Variants in NEK1 observed in about 807,000 individuals in gnomAD.
NEK1 encodes serine/threonine-protein kinase Nek1.
NEK1 carries 137 observed loss-of-function variants against 182.1 expected under a neutral mutation model. The ratio of observed to expected loss-of-function variants is 0.75; its 90% CI spans 0.65 to 0.87. NEK1 has a LOEUF of 0.87. NEK1 is among the 40% of genes least tolerant of loss of function. NEK1 has a pLI of 0.00. For missense variants in NEK1, 1,391 were observed against 1,494.4 expected, an observed-to-expected ratio of 0.93 and a Z score of 1.14; for synonymous variants, 513 against 492.2, an observed-to-expected ratio of 1.04 and a Z score of -0.56.
At chr4:169,555,674 A>G in intron 18 of NEK1, 46 bp downstream of exon 18, 1 of 1,612,676 alleles carries the variant, frequency 6.2e-7, no homozygotes, top group Non-Finnish European at 8.5e-7. Context: ...ATGACAAACG[A>G]CAAAATTACA....
chr4:169,402,004 ATCTGG>A, intron 32 of NEK1, 144 bp from the exon 33 acceptor site: 1 of 603,954 alleles, frequency 1.7e-6, no homozygotes, highest in South Asian at 3.0e-5. Flanking sequence ...ATAACAAAAA[ATCTGG>A]AAAAAGCCTA....
intron 10 of NEK1, among the ~76,000 whole-genome samples, chr4:169,584,689 G>C (rs967987110): frequency 6.6e-6 from 1 of 152,136 alleles, no homozygotes; most frequent in Admixed American, 6.5e-5. Flanking sequence ...AATATTTTGA[G>C]CACTTACATG....
chr4:169,544,016 A>G (rs1186082505), intron 18 of NEK1, among the ~76,000 whole-genome samples: 1 of 152,032 alleles, frequency 6.6e-6, no homozygotes, highest in East Asian at 1.9e-4. Context: ...ACTTCCAATG[A>G]TATGTTGAAT....
rs1249604313 is a variant in NEK1, at chr4:169,400,649, T to C, written c.3586A>G (p.Asn1196Asp). 34 of 1,574,102 alleles carry C rather than the reference T, an allele frequency of 2.2e-5. No homozygotes were observed. Among genetic ancestry groups the C allele is most frequent in the Non-Finnish European group, 2.9e-5 (34 of 1,159,424 alleles). Residue 1196 changes from asparagine to aspartate, a missense_variant and splice_region_variant, in exon 34 of 36, where the codon AAC (asparagine) becomes GAC (aspartate). Asn to Asp is a conservative substitution (Grantham distance 23). Coordinates refer to ENST00000507142, the MANE Select transcript of NEK1 (RefSeq NM_001199397.3). ...TCACTAGCAATTTCACCATCACTGTTATCTAAAAAACAAAATTAAAATAGA... is the reference window on the plus strand; with the variant it reads ...TCACTAGCAATTTCACCATCACTGTCATCTAAAAAACAAAATTAAAATAGA... ...SALNEEWHSD[N>D]SDGEIASECE...
intron 18 of NEK1, among the ~76,000 whole-genome samples, chr4:169,551,337 A>T (rs1009071902): frequency 6.6e-6 from 1 of 152,192 alleles, no homozygotes; most frequent in Admixed American, 6.5e-5. Flanking sequence ...CTTCATCAGG[A>T]ACATAGATGA....
chr4:169,588,507 A>G, intron 8 of NEK1, 142 bp downstream of exon 8: 1 of 472,464 alleles, frequency 2.1e-6, no homozygotes, highest in South Asian at 4.8e-5. Context: ...TCCCCTCACC[A>G]TATATTAGCA....
chr4:169,570,499 G>A (rs1448026627), intron 12 of NEK1, among the ~76,000 whole-genome samples: 2 of 150,830 alleles, frequency 1.3e-5, no homozygotes, highest in African/African-American at 2.5e-5. Flanking sequence ...CGTCCGGAAG[G>A]GAGGTGGGGG....
intron 30 of NEK1, 25 bp from the exon 31 acceptor site, chr4:169,424,825 T>G: frequency 6.3e-7 from 1 of 1,592,160 alleles, no homozygotes; most frequent in South Asian, 1.1e-5. Context: ...AGAGATTATG[T>G]GGTAAGTCTA....
intron 27 of NEK1, among the ~76,000 whole-genome samples, chr4:169,447,310 A>G (rs2149453122): frequency 6.6e-6 from 1 of 152,260 alleles, no homozygotes; most frequent in Non-Finnish European, 1.5e-5. Context: ...GTATATCCAG[A>G]GAAAATATCC....
At chr4:169,476,568 C>G (rs1265148360) in intron 26 of NEK1, among the ~76,000 whole-genome samples, 1 of 152,078 alleles carries the variant, frequency 6.6e-6, no homozygotes, top group Non-Finnish European at 1.5e-5. Flanking sequence ...AAAAAAATTA[C>G]TTAAAATCAG....
intron 19 of NEK1, among the ~76,000 whole-genome samples, chr4:169,515,497 CTTCT>C (rs1365286052): frequency 7.0e-4 from 92 of 131,380 alleles, no homozygotes; most frequent in Admixed American, 8.0e-4. Flanking sequence ...ATTGCAATAA[CTTCT>C]TTTTTTTTTT....
intron 31 of NEK1, among the ~76,000 whole-genome samples, chr4:169,417,351 G>C (rs1480239063): frequency 6.6e-6 from 1 of 152,204 alleles, no homozygotes; most frequent in Non-Finnish European, 1.5e-5. Context: ...TTAAGCAGCA[G>C]AAAGCCACTG....
At chr4:169,603,010 T>C (rs1448350848) in intron 2 of NEK1, among the ~76,000 whole-genome samples, 1 of 152,202 alleles carries the variant, frequency 6.6e-6, no homozygotes, top group African/African-American at 2.4e-5. Flanking sequence ...GAAAACCTAA[T>C]AATACACTAT....
At chr4:169,569,392 AGCT>A (rs1466386586) in intron 12 of NEK1, among the ~76,000 whole-genome samples, 2 of 152,086 alleles carry the variant, frequency 1.3e-5, no homozygotes, top group Non-Finnish European at 2.9e-5. Context: ...TATCGTCAGC[AGCT>A]GCTTTTAAAC....
At chr4:169,582,107 C>A (rs1275146524) in intron 10 of NEK1, among the ~76,000 whole-genome samples, 1 of 151,932 alleles carries the variant, frequency 6.6e-6, no homozygotes, top group Non-Finnish European at 1.5e-5. Context: ...AGAATTAACT[C>A]GATTTATGCT....
At chr4:169,540,599 T>C (rs745699444) in intron 18 of NEK1, among the ~76,000 whole-genome samples, 4 of 152,146 alleles carry the variant, frequency 2.6e-5, no homozygotes, top group Non-Finnish European at 5.9e-5. Flanking sequence ...AGAATTCACG[T>C]GAGCATGCTC....
intron 31 of NEK1, among the ~76,000 whole-genome samples, chr4:169,419,406 G>T (rs1315036569): frequency 6.6e-6 from 1 of 151,752 alleles, no homozygotes; most frequent in East Asian, 1.9e-4. Flanking sequence ...GGAAGAAAAA[G>T]AATACCAGAT....
Position 169,555,748 on chromosome 4 carries a change from C to A in NEK1, c.1534G>T (p.Ala512Ser), listed in dbSNP as rs775133095. ...TTTGCATTGGCTTGTTTAGACACCGCCTTCAATCTTTTCAAAGTTTTTCTA... is the reference window on the plus strand; with the variant it reads ...TTTGCATTGGCTTGTTTAGACACCGACTTCAATCTTTTCAAAGTTTTTCTA... ...DIRKTLKRLKAVSKQANANRQ... is the reference protein window; with the variant it reads ...DIRKTLKRLKSVSKQANANRQ... The change falls in exon 18 of 36, where the codon GCG (alanine) becomes TCG (serine). Residue 512 changes from alanine (A) to serine (S), a missense_variant. Ala to Ser is a moderately conservative substitution (Grantham distance 99). Coordinates refer to ENST00000507142, the MANE Select transcript of NEK1 (RefSeq NM_001199397.3). 1 of 1,613,664 alleles carries A rather than the reference C, an allele frequency of 6.2e-7. No individual in the cohort carries two copies. Among genetic ancestry groups the A allele is most frequent in the Non-Finnish European group, 8.5e-7 (1 of 1,179,798 alleles).
At chr4:169,501,814 A>T (rs1752469144) in intron 23 of NEK1, among the ~76,000 whole-genome samples, 1 of 152,128 alleles carries the variant, frequency 6.6e-6, no homozygotes, top group East Asian at 1.9e-4. Flanking sequence ...ATCTCAAATT[A>T]ACAACCTAAT....
Sources: allele counts gnomAD v4.1 joint callset (sites outside exome capture counted in the v4.1 genomes callset), GRCh38; gene constraint gnomAD v4.1.1; transcripts MANE v1.5; gene names NCBI Gene and HGNC (gene_info 2026-07-23, HGNC 2026-07-21).